The following NR6A1 variants were observed in gnomAD, a reference collection of about 807,000 sequenced individuals.
NR6A1 encodes nuclear receptor subfamily 6 group A member 1.
In NR6A1, 7 loss-of-function variants were observed where a neutral mutation model predicts 59.1. That is an observed-to-expected ratio of 0.12 (90% CI 0.07 to 0.22). The LOEUF (loss-of-function observed/expected upper bound fraction) is 0.22, where lower values mean the gene tolerates loss of function less well. Ranked by LOEUF, NR6A1 falls within the 10% of genes least tolerant of loss-of-function variation. The probability of loss-of-function intolerance (pLI) is 1.00; values close to 1 mark genes in which losing one functional copy is unlikely to be tolerated. For missense variants in NR6A1, 468 were observed against 611.6 expected, an observed-to-expected ratio of 0.77 and a Z score of 2.48; for synonymous variants, 243 against 236.1, an observed-to-expected ratio of 1.03 and a Z score of -0.27.
intron 2 of NR6A1, among the ~76,000 whole-genome samples, chr9:124,601,428 C>A (rs1835443881): frequency 6.6e-6 from 1 of 150,708 alleles, no homozygotes. Flanking sequence ...ACTAAAAATA[C>A]AAAAGATTAG....
At chr9:124,716,605 T>C (rs971310780) in intron 2 of NR6A1, among the ~76,000 whole-genome samples, 14 of 152,224 alleles carry the variant, frequency 9.2e-5, no homozygotes, top group African/African-American at 4.8e-5. Flanking sequence ...CACTCGACAG[T>C]TGAACAAAAC....
intron 2 of NR6A1, among the ~76,000 whole-genome samples, chr9:124,678,417 A>G (rs1166451180): frequency 6.6e-6 from 1 of 152,254 alleles, no homozygotes; most frequent in Non-Finnish European, 1.5e-5. Context: ...CATATTTAGC[A>G]ATGTGCACCA....
chr9:124,620,327 T>A (rs2130859342), intron 2 of NR6A1, among the ~76,000 whole-genome samples: 1 of 152,328 alleles, frequency 6.6e-6, no homozygotes, highest in Non-Finnish European at 1.5e-5. Flanking sequence ...AGGCATGAAG[T>A]ACTTTTATAA....
intron 2 of NR6A1, among the ~76,000 whole-genome samples, chr9:124,647,615 C>T (rs998341784): frequency 1.3e-5 from 2 of 151,336 alleles, no homozygotes; most frequent in African/African-American, 4.9e-5. Flanking sequence ...GTAATCCCAG[C>T]TACTCAGAAG....
At chr9:124,538,484 T>C (rs553411496) in intron 5 of NR6A1, among the ~76,000 whole-genome samples, 165 bp from the exon 6 acceptor site, 1 of 152,314 alleles carries the variant, frequency 6.6e-6, no homozygotes, top group South Asian at 2.1e-4. Flanking sequence ...TCCTACTAGA[T>C]TCCCATCTGT....
intron 4 of NR6A1, among the ~76,000 whole-genome samples, chr9:124,540,506 C>T (rs1833412278): frequency 6.6e-6 from 1 of 152,206 alleles, no homozygotes; most frequent in South Asian, 2.1e-4. Flanking sequence ...CAATCTCCTA[C>T]TTGCCCTTTA....
intron 2 of NR6A1, among the ~76,000 whole-genome samples, chr9:124,647,251 T>C (rs913095385): frequency 3.9e-5 from 6 of 151,950 alleles, no homozygotes; most frequent in East Asian, 1.9e-4. Context: ...AATTGACCAA[T>C]TGTTAGCTAG....
chr9:124,684,364 T>C (rs1221734433), intron 2 of NR6A1, among the ~76,000 whole-genome samples: 1 of 152,226 alleles, frequency 6.6e-6, no homozygotes, highest in Non-Finnish European at 1.5e-5. Context: ...AGAGCCATCA[T>C]TAATGTCCAA....
At chr9:124,703,376 G>GT (rs1839024676) in intron 2 of NR6A1, among the ~76,000 whole-genome samples, 1 of 150,132 alleles carries the variant, frequency 6.7e-6, no homozygotes. Flanking sequence ...CCATGTCCAG[G>GT]GTTTTTTTTT....
At chr9:124,632,606 T>C (rs983021663) in intron 2 of NR6A1, among the ~76,000 whole-genome samples, 2 of 152,192 alleles carry the variant, frequency 1.3e-5, no homozygotes, top group Non-Finnish European at 1.5e-5. Context: ...GGAGAAAGGA[T>C]TGGAATGCCA....
At chr9:124,671,966 T>C (rs1837805806) in intron 2 of NR6A1, among the ~76,000 whole-genome samples, 1 of 152,200 alleles carries the variant, frequency 6.6e-6, no homozygotes, top group Admixed American at 6.5e-5. Context: ...CCTCCAGCTA[T>C]TTTATCGTCT....
intron 2 of NR6A1, among the ~76,000 whole-genome samples, chr9:124,684,247 G>A (rs984933724): frequency 1.3e-5 from 2 of 152,088 alleles, no homozygotes; most frequent in East Asian, 1.9e-4. Context: ...ACCAACAGCC[G>A]GGACAGTGAA....
intron 1 of NR6A1, among the ~76,000 whole-genome samples, chr9:124,764,452 C>A (rs1214643713): frequency 2.0e-5 from 3 of 151,808 alleles, no homozygotes; most frequent in Non-Finnish European, 4.4e-5. Flanking sequence ...AGAACCCACT[C>A]TTAGACCTCC....
intron 2 of NR6A1, among the ~76,000 whole-genome samples, chr9:124,609,807 C>T (rs1019242019): frequency 1.1e-4 from 16 of 152,090 alleles, no homozygotes; most frequent in African/African-American, 3.9e-4. Context: ...TGTAGCTCTC[C>T]TTGAAGAGGT....
Position 124,659,324 on chromosome 9 carries a change from A to G in NR6A1, c.142+73984T>C, listed in dbSNP as rs527394514. Among the ~76,000 whole-genome samples the G allele has an allele frequency of 5.9e-5, 9 of 152,318 alleles. No homozygotes were observed. The South Asian group carries it at 1.9e-3, about 32-fold the overall frequency. ...AGGGACATGGATGTGTGAGGTGCTCATGCGTGCGATCGTGACTAGATTCTG... is the reference window on the plus strand; with the variant it reads ...AGGGACATGGATGTGTGAGGTGCTCGTGCGTGCGATCGTGACTAGATTCTG... On this transcript the variant is annotated intron_variant, in intron 2 of 9. Transcript: ENST00000487099.
chr9:124,543,735 A>T (rs949506730), intron 4 of NR6A1, 67 bp downstream of exon 4: 52 of 1,223,936 alleles, frequency 4.2e-5, no homozygotes, highest in Non-Finnish European at 5.8e-5. Context: ...CAAGGTGAGC[A>T]GTTTCAGGAA....
intron 2 of NR6A1, among the ~76,000 whole-genome samples, chr9:124,573,054 A>G (rs1471494496): frequency 6.6e-6 from 1 of 152,232 alleles, no homozygotes. Context: ...TGAAACTTTT[A>G]TAACTAAAAA....
At chr9:124,599,271 C>T (rs1835375998) in intron 2 of NR6A1, 1 of 414,370 alleles carries the variant, frequency 2.4e-6, no homozygotes, top group African/African-American at 2.1e-5. Context: ...GGTGAAACCC[C>T]ATCTCTACTA....
At position 124,526,894 on chromosome 9, in the gene NR6A1, A is replaced by G. The variant is rs1832953973; in HGVS notation, c.1086T>C (p.Ser362=). The G allele has an allele frequency of 1.2e-6, 2 of 1,613,766 alleles. No individual in the cohort carries two copies. The highest frequency in any genetic ancestry group is 1.3e-5 in the African/African-American group (1 of 74,916). The change falls in exon 8 of 10, where the codon AGT becomes AGC. Residue 362 remains serine (S), a synonymous_variant. Coordinates refer to ENST00000487099, the MANE Select transcript of NR6A1 (RefSeq NM_033334.4). ...GCTCGATCACCTCCATCCCTTCATC[A>G]CTAAATCTGAGGAACAGACACAGGT... ...SPSDEELHRF[S]DEGMEVIERL... is the part of the protein sequence containing the mutation.
Sources: gnomAD v4.1 joint callset for allele counts (sites outside exome capture counted in the v4.1 genomes callset) on GRCh38, gnomAD v4.1.1 for gene constraint, MANE v1.5 for transcripts, NCBI Gene and HGNC (gene_info 2026-07-23, HGNC 2026-07-21) for gene names.